Variants in CDH18 observed in about 807,000 individuals in gnomAD.
The protein encoded by CDH18 is cadherin 18.
In CDH18, 31 loss-of-function variants were observed where a neutral mutation model predicts 67.9. The ratio of observed to expected loss-of-function variants is 0.46; its 90% CI spans 0.34 to 0.62. The LOEUF (loss-of-function observed/expected upper bound fraction) is 0.62, where lower values mean the gene tolerates loss of function less well. Among genes scored for constraint, CDH18 ranks in the 20% least tolerant of loss-of-function variants. The pLI is 0.01. For synonymous variants in CDH18, 362 were observed against 347.2 expected, an observed-to-expected ratio of 1.04 and a Z score of -0.48; for missense variants, 890 against 975.5, an observed-to-expected ratio of 0.91 and a Z score of 1.17.
chr5:19,951,816 C>T (rs1474429872), intron 2 of CDH18, among the ~76,000 whole-genome samples: 5 of 152,026 alleles, frequency 3.3e-5, no homozygotes, highest in Admixed American at 1.3e-4. Flanking sequence ...TGTCTTCTCC[C>T]CACTTAGGGG....
At chr5:20,152,773 T>C (rs1209102440) in intron 2 of CDH18, among the ~76,000 whole-genome samples, 1 of 152,060 alleles carries the variant, frequency 6.6e-6, no homozygotes, top group Non-Finnish European at 1.5e-5. Flanking sequence ...AGGATGCCAT[T>C]TGTAAGGAAA....
intron 8 of CDH18, among the ~76,000 whole-genome samples, chr5:19,562,604 T>G (rs1030008549): frequency 2.6e-5 from 4 of 151,844 alleles, no homozygotes; most frequent in African/African-American, 9.7e-5. Context: ...TCCCTTATGT[T>G]GCAAAAATAT....
At chr5:20,148,089 GT>G (rs200117946) in intron 2 of CDH18, among the ~76,000 whole-genome samples, 11,036 of 144,588 alleles carry the variant, frequency 0.076, 422 homozygotes, top group East Asian at 0.15. Flanking sequence ...CTTTTGTTTT[GT>G]TTTTTTTTTT....
intron 2 of CDH18, among the ~76,000 whole-genome samples, chr5:20,095,564 G>T (rs1745909111): frequency 3.3e-5 from 1 of 30,122 alleles, no homozygotes; most frequent in African/African-American, 1.4e-4. Flanking sequence ...GGAAAGAAAG[G>T]AAAGAAAGGA....
At chr5:20,573,351 T>C (rs148928410) in intron 1 of CDH18, among the ~76,000 whole-genome samples, 1 of 150,620 alleles carries the variant, frequency 6.6e-6, no homozygotes, top group South Asian at 2.1e-4. Context: ...TAGAATTACG[T>C]TTTTTTTTAA....
chr5:20,207,549 C>T (rs954806210), intron 2 of CDH18, among the ~76,000 whole-genome samples: 8 of 151,982 alleles, frequency 5.3e-5, no homozygotes, highest in African/African-American at 1.7e-4. Context: ...TCTTACATGG[C>T]AGTAGGGAAG....
chr5:19,603,584 T>A (rs1430193468), intron 6 of CDH18, among the ~76,000 whole-genome samples: 2 of 151,788 alleles, frequency 1.3e-5, no homozygotes, highest in African/African-American at 4.8e-5. Context: ...GAGCTGTTTT[T>A]CAGAATAGAA....
rs1181312191 is a variant in CDH18, at chr5:19,473,648, C to T, written c.1951G>A (p.Val651Ile). 3.7e-6 allele frequency: 6 copies of T among 1,613,768 alleles called. No homozygotes were observed. Among genetic ancestry groups the T allele is most frequent in the Admixed American group, 1.7e-5 (1 of 59,994 alleles). ...TCATAGGTGACCACGTTCTCCCGTA[C>T]ATCCTCTTCTGAAATGATCAAGGGC... ...KEPLIISEED[V>I]RENVVTYDDE... Residue 651 changes from valine to isoleucine, a missense_variant, in exon 13 of 13, where the codon GTA becomes ATA. By Grantham distance (29) the Val-to-Ile change is conservative. Around this residue, in one of 2 missense-constraint regions of CDH18, gnomAD observed 656 missense variants for 668.1 expected, o/e 0.98. Transcript: ENST00000382275.
intron 2 of CDH18, among the ~76,000 whole-genome samples, chr5:19,995,396 G>A (rs981602453): frequency 1.4e-4 from 22 of 152,006 alleles, no homozygotes; most frequent in African/African-American, 5.3e-4. Context: ...AGCTACAAAT[G>A]TGTATCTGGT....
intron 3 of CDH18, among the ~76,000 whole-genome samples, chr5:19,833,079 GA>G (rs1340335627): frequency 6.6e-6 from 1 of 152,078 alleles, no homozygotes; most frequent in African/African-American, 2.4e-5. Context: ...ATGGTAGTTT[GA>G]TGGGAATAGC....
chr5:19,895,438 G>C (rs776546873), intron 2 of CDH18, among the ~76,000 whole-genome samples: 5 of 152,106 alleles, frequency 3.3e-5, no homozygotes, highest in Non-Finnish European at 5.9e-5. Context: ...AGAGCAAAGG[G>C]TCTGAGAGTT....
chr5:19,921,416 A>G (rs964236496), intron 2 of CDH18, among the ~76,000 whole-genome samples: 1 of 151,750 alleles, frequency 6.6e-6, no homozygotes, highest in Non-Finnish European at 1.5e-5. Context: ...CTGTAGTCCC[A>G]GCTACTCGGG....
chr5:19,737,783 C>G (rs1768544599), intron 4 of CDH18, among the ~76,000 whole-genome samples: 1 of 152,060 alleles, frequency 6.6e-6, no homozygotes, highest in African/African-American at 2.4e-5. Flanking sequence ...TAAAATGATA[C>G]AAACAATTTT....
At chr5:20,359,157 G>A (rs966462119) in intron 1 of CDH18, among the ~76,000 whole-genome samples, 3 of 151,666 alleles carry the variant, frequency 2.0e-5, no homozygotes, top group African/African-American at 7.3e-5. Context: ...TCTCAAACTC[G>A]GGACCTCAGG....
chr5:19,668,467 T>G (rs746046045), intron 5 of CDH18, among the ~76,000 whole-genome samples: 2 of 152,004 alleles, frequency 1.3e-5, no homozygotes, highest in African/African-American at 4.8e-5. Context: ...AGACCTGTTA[T>G]AGGAATTTAA....
chr5:20,423,815 T>C (rs1442287696), intron 1 of CDH18, among the ~76,000 whole-genome samples: 1 of 149,562 alleles, frequency 6.7e-6, no homozygotes, highest in African/African-American at 2.5e-5. Context: ...GGCGTGGTGA[T>C]GGGCGCCTGT....
chr5:19,674,718 A>G (rs1218158518), intron 5 of CDH18, among the ~76,000 whole-genome samples: 2 of 152,152 alleles, frequency 1.3e-5, no homozygotes, highest in Non-Finnish European at 2.9e-5. Flanking sequence ...GTTGATTTGA[A>G]AAGTCTAGAA....
chr5:20,521,237 T>C (rs1372680471), intron 1 of CDH18, among the ~76,000 whole-genome samples: 1 of 152,136 alleles, frequency 6.6e-6, no homozygotes, highest in East Asian at 1.9e-4. Context: ...TGAAATGTTT[T>C]ATTTCTTGAC....
chr5:19,804,418 A>G (rs1777828793), intron 3 of CDH18, among the ~76,000 whole-genome samples: 1 of 152,206 alleles, frequency 6.6e-6, no homozygotes, highest in Non-Finnish European at 1.5e-5. Flanking sequence ...AATAAAATAT[A>G]GAAACTGACT....
Sources: allele counts gnomAD v4.1 joint callset (sites outside exome capture counted in the v4.1 genomes callset), GRCh38; gene constraint gnomAD v4.1.1; regional missense constraint gnomAD v4.1.1; transcripts MANE v1.5; gene names NCBI Gene and HGNC (gene_info 2026-07-23, HGNC 2026-07-21).